The following PCDHA13 variants were observed in gnomAD, a reference collection of about 807,000 sequenced individuals.
The protein encoded by PCDHA13 is protocadherin alpha-13.
In PCDHA13, 54 loss-of-function variants were observed where a neutral mutation model predicts 64.8. The observed-to-expected ratio is 0.83, with a 90% CI of 0.67 to 1.04. The LOEUF (loss-of-function observed/expected upper bound fraction) is 1.04. Ranked by LOEUF, PCDHA13 falls within the 50% of genes least tolerant of loss-of-function variation. The pLI, the probability that PCDHA13 is intolerant of heterozygous loss-of-function variation, is 0.00. For missense variants in PCDHA13, 1,248 were observed against 1,254.3 expected (o/e 0.99, Z 0.08); for synonymous variants, 587 against 564.4 (o/e 1.04, Z -0.57).
chr5:140,994,379 G>A (rs2097618506), intron 3 of PCDHA13, among the ~76,000 whole-genome samples: 1 of 152,112 alleles, frequency 6.6e-6, no homozygotes. Flanking sequence ...AAATTCAGGG[G>A]ACTAAGTCAG....
At chr5:140,967,768 T>C in intron 1 of PCDHA13, 4 of 1,614,182 alleles carry the variant, frequency 2.5e-6, no homozygotes, top group African/African-American at 1.3e-5. Flanking sequence ...ACCAGATCTA[T>C]GTGCAGGCGA....
At chr5:140,966,900 G>A (rs376213042) in intron 1 of PCDHA13, 1 of 1,598,684 alleles carries the variant, frequency 6.3e-7, no homozygotes, top group Non-Finnish European at 8.5e-7. Flanking sequence ...TCCCAGCTGC[G>A]ATACTCTGTG....
At chr5:140,993,883 A>G (rs1256857317) in intron 3 of PCDHA13, among the ~76,000 whole-genome samples, 1 of 152,228 alleles carries the variant, frequency 6.6e-6, no homozygotes, top group East Asian at 1.9e-4. Flanking sequence ...AGTACGCTCT[A>G]TGATGTCCAT....
At chr5:140,945,377 C>T (rs1183566005) in intron 1 of PCDHA13, among the ~76,000 whole-genome samples, 3 of 151,814 alleles carry the variant, frequency 2.0e-5, no homozygotes, top group African/African-American at 7.3e-5. Context: ...CCATATTACC[C>T]AAAGCAATAT....
chr5:140,913,965 A>G (rs1228834396), intron 1 of PCDHA13, among the ~76,000 whole-genome samples: 7 of 152,300 alleles, frequency 4.6e-5, no homozygotes, highest in Admixed American at 2.6e-4. Flanking sequence ...ATTTTTAAAA[A>G]AATATTTTAG....
At chr5:140,972,027 C>A (rs2096514532) in intron 1 of PCDHA13, among the ~76,000 whole-genome samples, 1 of 152,110 alleles carries the variant, frequency 6.6e-6, no homozygotes, top group African/African-American at 2.4e-5. Flanking sequence ...GATATTCAGG[C>A]ATTTAAGCTA....
At chr5:140,939,051 T>G (rs1359303875) in intron 1 of PCDHA13, among the ~76,000 whole-genome samples, 1 of 152,236 alleles carries the variant, frequency 6.6e-6, no homozygotes, top group East Asian at 1.9e-4. Flanking sequence ...TTAGTCCATT[T>G]GGGCTGCTAT....
At chr5:140,901,697 C>T (rs57431111) in intron 1 of PCDHA13, among the ~76,000 whole-genome samples, 1,867 of 152,140 alleles carry the variant, frequency 0.012, 40 homozygotes, top group African/African-American at 0.043. Context: ...TTTTGTAGTT[C>T]TATATACATT....
chr5:140,882,633 A>G lies in PCDHA13; in HGVS notation c.365A>G (p.Lys122Arg). 1 of 1,614,220 alleles carries G rather than the reference A, an allele frequency of 6.2e-7. No homozygotes were observed. Among genetic ancestry groups the G allele is most frequent in the Non-Finnish European group, 8.5e-7 (1 of 1,180,044 alleles). The change falls in exon 1 of 4, where the codon AAG becomes AGG. Residue 122 changes from lysine to arginine, a missense_variant. Physicochemically the swap from Lys to Arg is conservative, Grantham distance 26. Transcript: ENST00000289272. ...CTGCAGGTTTTCCATGTGGAGGTGAAGGTGAGGGACATTAACGACAACCCG... is the reference window on the plus strand; with the variant it reads ...CTGCAGGTTTTCCATGTGGAGGTGAGGGTGAGGGACATTAACGACAACCCG... Reference protein sequence around the residue: ...RPLQVFHVEVKVRDINDNPPI... With the variant: ...RPLQVFHVEVRVRDINDNPPI...
intron 3 of PCDHA13, among the ~76,000 whole-genome samples, chr5:140,999,095 G>C (rs1554256620): frequency 6.6e-6 from 1 of 152,202 alleles, no homozygotes; most frequent in African/African-American, 2.4e-5. Flanking sequence ...GAGGGCTATG[G>C]AGAGTAACCT....
At position 141,012,295 on chromosome 5, in the gene PCDHA13, T is replaced by C. The variant is rs2098423507; in HGVS notation, c.*2358T>C. ...GTCATGTGGATTCATTTTGAATTGG[T>C]GCTATTGGTATTTCCTCTGTTATTG... On this transcript the variant is annotated 3_prime_UTR_variant, in exon 4 of 4. Coordinates refer to ENST00000289272, the MANE Select transcript of PCDHA13 (RefSeq NM_018904.3). 6.5e-6 allele frequency: 1 copy of C among 153,776 alleles called. No homozygotes were observed. The highest frequency in any genetic ancestry group is 2.4e-5 in the African/African-American group (1 of 41,466). 9.5% of individuals were successfully genotyped at this position (153,776 alleles called of 1,614,324 possible).
chr5:140,900,000 A>G (rs1374747791), intron 1 of PCDHA13, among the ~76,000 whole-genome samples: 1 of 151,872 alleles, frequency 6.6e-6, no homozygotes, highest in Non-Finnish European at 1.5e-5. Flanking sequence ...TGTAGAGATG[A>G]GGTCTCACTT....
chr5:141,006,388 A>AT (rs2098271631), intron 3 of PCDHA13, among the ~76,000 whole-genome samples: 1 of 151,322 alleles, frequency 6.6e-6, no homozygotes, highest in African/African-American at 2.4e-5. Flanking sequence ...AGTTTTTTCT[A>AT]TTTTTTAGTA....
chr5:140,976,287 AAGCCTGTAATCCC>A (rs1253731489), intron 1 of PCDHA13, among the ~76,000 whole-genome samples: 3 of 152,196 alleles, frequency 2.0e-5, no homozygotes, highest in Admixed American at 6.5e-5. Flanking sequence ...ACAGTGGCTC[AAGCCTGTAATCCC>A]AGCACTTTGG....
At chr5:140,927,816 A>G in intron 1 of PCDHA13, 2 of 1,614,198 alleles carry the variant, frequency 1.2e-6, no homozygotes, top group Non-Finnish European at 1.7e-6. Flanking sequence ...TCTTGGAGGC[A>G]TACATTGAGG....
intron 1 of PCDHA13, among the ~76,000 whole-genome samples, chr5:140,978,200 C>T (rs2096792236): frequency 6.6e-6 from 1 of 152,220 alleles, no homozygotes. Context: ...TTTCAATACA[C>T]AACTAATGCA....
At chr5:140,962,171 G>A (rs1218733161) in intron 1 of PCDHA13, among the ~76,000 whole-genome samples, 3 of 151,902 alleles carry the variant, frequency 2.0e-5, no homozygotes, top group Non-Finnish European at 4.4e-5. Context: ...CACCACACCC[G>A]GCCACTTATA....
intron 1 of PCDHA13, among the ~76,000 whole-genome samples, chr5:140,954,220 T>C (rs782685715): frequency 2.0e-5 from 3 of 152,240 alleles, no homozygotes; most frequent in African/African-American, 4.8e-5. Context: ...GTTTTTGCTA[T>C]TGTGAATAGT....
chr5:140,926,783 C>G lies in PCDHA13; in HGVS notation c.2394+42121C>G, dbSNP rs1230665699. 5.0e-6 allele frequency: 7 copies of G among 1,410,188 alleles called. No homozygotes were observed. The African/African-American group carries it at 7.3e-5, about 15-fold the overall frequency. The allele number at this position is 1,410,188 out of a possible 1,614,324, so 87.4% of individuals were successfully genotyped here. On this transcript the variant is annotated intron_variant, in intron 1 of 3. Transcript: ENST00000289272. The stretch of plus-strand genomic sequence containing the variant: ...GTATCCAGCCCGCAGCAGTGACGGC[C>G]GGCAGGAGCGTGCTCTTCCCCGCGG...
Sources: allele counts gnomAD v4.1 joint callset (sites outside exome capture counted in the v4.1 genomes callset), GRCh38; gene constraint gnomAD v4.1.1; transcripts MANE v1.5; gene names NCBI Gene and HGNC (gene_info 2026-07-23, HGNC 2026-07-21).